TMEM131: variants seen among roughly 807,000 people sequenced by gnomAD.
TMEM131 encodes the protein 2610524E03Rik.
TMEM131 carries 66 observed loss-of-function variants against 211.6 expected under a neutral mutation model. That is an observed-to-expected ratio of 0.31 (90% CI 0.26 to 0.38). TMEM131 has a LOEUF of 0.38. Ranked by LOEUF, TMEM131 falls within the 10% of genes least tolerant of loss-of-function variation. The probability of loss-of-function intolerance (pLI) is 1.00; values close to 1 mark genes in which losing one functional copy is unlikely to be tolerated. For synonymous variants in TMEM131, 844 were observed against 841.3 expected, an observed-to-expected ratio of 1.00 and a Z score of -0.06; for missense variants, 2,036 against 2,299.3, an observed-to-expected ratio of 0.89 and a Z score of 2.34.
chr2:97,954,823 A>C (rs1485026690), intron 1 of TMEM131, among the ~76,000 whole-genome samples: 4 of 150,720 alleles, frequency 2.7e-5, no homozygotes, highest in Non-Finnish European at 5.9e-5. Flanking sequence ...AAAAAAAAAA[A>C]AAAAAACTAA....
chr2:97,766,406 A>G (rs1679169149), intron 34 of TMEM131, 72 bp downstream of exon 34: 1 of 1,607,674 alleles, frequency 6.2e-7, no homozygotes, highest in Non-Finnish European at 8.5e-7. Flanking sequence ...CTGATAATGC[A>G]CAACAATTGT....
intron 5 of TMEM131, among the ~76,000 whole-genome samples, chr2:97,856,909 G>A (rs1290573295): frequency 1.3e-5 from 2 of 152,186 alleles, no homozygotes; most frequent in Non-Finnish European, 2.9e-5. Flanking sequence ...CTATTTAAAT[G>A]TGGATTTTGA....
At position 97,888,040 on chromosome 2, in the gene TMEM131, T is replaced by C. The variant is rs749821586; in HGVS notation, c.359+12A>G. The C allele has an allele frequency of 6.2e-7, 1 of 1,610,760 alleles. No homozygotes were observed. On this transcript the variant is annotated intron_variant, in intron 4 of 40. Transcript: ENST00000186436. ...TTAATGGGAAAGTACAGTCCAAAAA[T>C]TTTAAACTTACTGTTCATGGAAATC...
chr2:97,958,310 G>A (rs1678664788), intron 1 of TMEM131, among the ~76,000 whole-genome samples: 1 of 152,142 alleles, frequency 6.6e-6, no homozygotes, highest in South Asian at 2.1e-4. Context: ...TGAGAGGACA[G>A]ATCAGGTCTG....
At chr2:97,943,775 T>G (rs1050472430) in intron 1 of TMEM131, among the ~76,000 whole-genome samples, 1 of 152,130 alleles carries the variant, frequency 6.6e-6, no homozygotes, top group Non-Finnish European at 1.5e-5. Context: ...GACAGAACAG[T>G]ACTGGAATAA....
In TMEM131 at chr2:97,762,021, A is replaced by C; in HGVS notation, c.4889+14T>G. ...ATTTCAAGCTGAGAACCGGAAAGGA[A>C]GCAGCAGGCCTACCTGCTGGAGCTG... On this transcript the variant is annotated intron_variant, in intron 36 of 40. Transcript: ENST00000186436. The C allele has an allele frequency of 2.6e-6, 4 of 1,540,056 alleles. No homozygotes were observed.
intron 17 of TMEM131, among the ~76,000 whole-genome samples, chr2:97,812,125 G>T (rs2104965204): frequency 6.6e-6 from 1 of 152,264 alleles, no homozygotes; most frequent in South Asian, 2.1e-4. Context: ...GGTTAGTTTA[G>T]TACCCATGGG....
intron 11 of TMEM131, among the ~76,000 whole-genome samples, chr2:97,831,664 CTTTTTTTTTTTTT>C (rs11378393): frequency 0.042 from 3,356 of 80,782 alleles, 103 homozygotes; most frequent in Middle Eastern, 0.14. Flanking sequence ...TCACATACCT[CTTTTTTTTTTTTT>C]TTTTTTTTTT....
intron 1 of TMEM131, among the ~76,000 whole-genome samples, chr2:97,941,290 G>T (rs576431272): frequency 6.6e-6 from 1 of 152,090 alleles, no homozygotes; most frequent in Admixed American, 6.6e-5. Context: ...GCTGAAACTG[G>T]ATCCCTTCCT....
chr2:97,973,356 C>T (rs563964561), intron 1 of TMEM131, among the ~76,000 whole-genome samples: 9 of 152,254 alleles, frequency 5.9e-5, no homozygotes, highest in Non-Finnish European at 1.2e-4. Context: ...CATCAGTCAA[C>T]GAAGGACATG....
At chr2:97,823,494 G>A (rs1373294447) in intron 11 of TMEM131, among the ~76,000 whole-genome samples, 1 of 152,118 alleles carries the variant, frequency 6.6e-6, no homozygotes, top group Non-Finnish European at 1.5e-5. Context: ...AAAAAAATGC[G>A]GCTTTAGCTG....
intron 39 of TMEM131, 114 bp downstream of exon 39, chr2:97,759,537 CG>C (rs1678703371): frequency 1.2e-6 from 1 of 869,376 alleles, no homozygotes; most frequent in Non-Finnish European, 1.8e-6. Context: ...GAGCTTCCTG[CG>C]GGGCCTCTTC....
chr2:97,984,345 AT>A (rs545524916), intron 1 of TMEM131, among the ~76,000 whole-genome samples: 10 of 149,914 alleles, frequency 6.7e-5, no homozygotes, highest in Admixed American at 1.3e-4. Context: ...TTTTCTTGGT[AT>A]TTTTTTTTTA....
At chr2:97,758,775 C>A in intron 40 of TMEM131, 118 bp downstream of exon 40, 1 of 1,328,150 alleles carries the variant, frequency 7.5e-7, no homozygotes, top group Admixed American at 2.5e-5. Flanking sequence ...ACTAACCCAC[C>A]CCTCTGATGC....
chr2:97,833,492 C>T (rs1248473270), intron 10 of TMEM131, 66 bp from the exon 11 acceptor site: 3 of 708,686 alleles, frequency 4.2e-6, no homozygotes, highest in Admixed American at 3.2e-5. Context: ...AGAATCTTTA[C>T]CTTATAAGAT....
At chr2:97,852,512 CTT>C (rs1457598864) in intron 5 of TMEM131, among the ~76,000 whole-genome samples, 2 of 152,198 alleles carry the variant, frequency 1.3e-5, no homozygotes, top group African/African-American at 2.4e-5. Flanking sequence ...CCCTGACTCT[CTT>C]TAATTCTGTG....
At chr2:97,864,331 A>G (rs74951721) in intron 4 of TMEM131, among the ~76,000 whole-genome samples, 2,066 of 152,262 alleles carry the variant, frequency 0.014, 132 homozygotes, top group East Asian at 0.091. Flanking sequence ...CACGGTGACT[A>G]CAGTTAAAAA....
At chr2:97,847,562 T>C (rs1261390306) in intron 5 of TMEM131, among the ~76,000 whole-genome samples, 1 of 152,310 alleles carries the variant, frequency 6.6e-6, no homozygotes, top group African/African-American at 2.4e-5. Flanking sequence ...ATTGTGTTCA[T>C]GGGTTAGAAG....
chr2:97,915,767 T>TC (rs1676484133), intron 2 of TMEM131, among the ~76,000 whole-genome samples: 1 of 152,204 alleles, frequency 6.6e-6, no homozygotes, highest in Non-Finnish European at 1.5e-5. Flanking sequence ...AGTTTTATTC[T>TC]CCCTAAAGGT....
Sources: gnomAD v4.1 joint callset for allele counts (sites outside exome capture counted in the v4.1 genomes callset) on GRCh38, gnomAD v4.1.1 for gene constraint, MANE v1.5 for transcripts, NCBI Gene and HGNC (gene_info 2026-07-23, HGNC 2026-07-21) for gene names.